Variants in ABHD12 observed in about 807,000 individuals in gnomAD.
The protein encoded by ABHD12 is lysophosphatidylserine lipase ABHD12.
ABHD12 carries 43 observed loss-of-function variants against 58.3 expected under a neutral mutation model. The ratio of observed to expected loss-of-function variants is 0.74; its 90% confidence interval spans 0.58 to 0.95. ABHD12 has a LOEUF of 0.95. Among genes scored for constraint, ABHD12 ranks in the 40% least tolerant of loss-of-function variants. The pLI, the probability that ABHD12 is intolerant of heterozygous loss-of-function variation, is 0.00. For missense variants in ABHD12, 539 were observed against 537.2 expected (o/e 1.00, Z -0.03); for synonymous variants, 219 against 211.2 (o/e 1.04, Z -0.32).
intron 4 of ABHD12, among the ~76,000 whole-genome samples, chr20:25,318,409 T>C (rs1324953171): frequency 6.6e-6 from 1 of 152,210 alleles, no homozygotes; most frequent in African/African-American, 2.4e-5. Flanking sequence ...TCACAGTGGC[T>C]CTAAGTTTCT....
chr20:25,348,713 C>CAAAGAT (rs1489052260), intron 1 of ABHD12, among the ~76,000 whole-genome samples: 1 of 152,128 alleles, frequency 6.6e-6, no homozygotes, highest in East Asian at 1.9e-4. Flanking sequence ...AGGTATTAGA[C>CAAAGAT]AAAGCTATCA....
At chr20:25,320,346 G>A in intron 3 of ABHD12, 28 bp from the exon 4 acceptor site, 1 of 1,611,498 alleles carries the variant, frequency 6.2e-7, no homozygotes, top group Non-Finnish European at 8.5e-7. Flanking sequence ...GGGGAGCGCA[G>A]GATCAGATGT....
At chr20:25,354,810 C>A (rs1339897134) in intron 1 of ABHD12, among the ~76,000 whole-genome samples, 2 of 152,106 alleles carry the variant, frequency 1.3e-5, no homozygotes, top group African/African-American at 4.8e-5. Flanking sequence ...CAGCTTTTGA[C>A]TGTCGTATTT....
downstream of ABHD12, chr20:25,296,635 C>T (rs998334056): frequency 5.8e-6 from 8 of 1,387,820 alleles, no homozygotes; most frequent in Middle Eastern, 2.6e-4. Context: ...TTCTGAGTAC[C>T]ATGTTTCCAG....
At chr20:25,314,826 C>G in intron 6 of ABHD12, 99 bp downstream of exon 6, 3 of 1,341,024 alleles carry the variant, frequency 2.2e-6, no homozygotes, top group Non-Finnish European at 3.2e-6. Flanking sequence ...AAAGCAGGCG[C>G]TGGCCTTGCT....
downstream of ABHD12, among the ~76,000 whole-genome samples, chr20:25,299,777 G>A (rs1029015520): frequency 6.6e-6 from 1 of 152,164 alleles, no homozygotes; most frequent in Non-Finnish European, 1.5e-5. Context: ...TGGGTGGGTG[G>A]AACAGAAATG....
At chr20:25,305,711 C>G (rs570805540) in intron 10 of ABHD12, among the ~76,000 whole-genome samples, 1 of 151,910 alleles carries the variant, frequency 6.6e-6, no homozygotes, top group Non-Finnish European at 1.5e-5. Flanking sequence ...AAAAATGTCA[C>G]AAAGACAATA....
At position 25,308,027 on chromosome 20, in the gene ABHD12, A is replaced by G. The variant is rs2088777304; in HGVS notation, c.806T>C (p.Leu269Pro). Residue 269 changes from leucine to proline, a missense_variant, in exon 9 of 13, where the codon CTT becomes CCT. Leu to Pro is a moderately conservative substitution (Grantham distance 98). Coordinates refer to ENST00000339157, the MANE Select transcript of ABHD12 (RefSeq NM_001042472.3). ...LCERETPPDA[L>P]ILESPFTNIR... ...ATTAGTGAATGGAGATTCCAATATA[A>G]GGGCATCTGGAGGCGTCTCTAGATA... The G allele has an allele frequency of 1.2e-6, 2 of 1,608,028 alleles. No homozygotes were observed. Among genetic ancestry groups the G allele is most frequent in the Non-Finnish European group, 1.7e-6 (2 of 1,174,390 alleles).
intron 1 of ABHD12, among the ~76,000 whole-genome samples, chr20:25,374,887 A>T (rs1467159050): frequency 6.6e-6 from 1 of 152,212 alleles, no homozygotes; most frequent in Non-Finnish European, 1.5e-5. Flanking sequence ...CATTATATAC[A>T]CATCATAGTT....
chr20:25,301,867 C>T (rs916070584), intron 12 of ABHD12, among the ~76,000 whole-genome samples: 2 of 152,242 alleles, frequency 1.3e-5, no homozygotes, highest in Non-Finnish European at 2.9e-5. Flanking sequence ...GAGCTGTGTA[C>T]GTCTTGAGAG....
At chr20:25,379,789 C>T (rs6037100) in intron 1 of ABHD12, among the ~76,000 whole-genome samples, 2 of 151,870 alleles carry the variant, frequency 1.3e-5, no homozygotes, top group African/African-American at 4.8e-5. Flanking sequence ...AGTGCAGTGG[C>T]TTGATCATGG....
At chr20:25,385,630 G>T (rs958575301) in intron 1 of ABHD12, among the ~76,000 whole-genome samples, 7 of 152,012 alleles carry the variant, frequency 4.6e-5, no homozygotes, top group Admixed American at 1.3e-4. Flanking sequence ...AGGACTGCTT[G>T]AGAGAGAAGT....
rs75097410 is a variant in ABHD12 at position 25,295,159 on chromosome 20, C to G, written c.1158-129G>C. 5.4e-3 allele frequency: 5,116 copies of G among 948,530 alleles called. 170 individuals are homozygous for G. The African/African-American group carries it at 0.07, about 13-fold the overall frequency. The allele number at this position is 948,530 out of a possible 1,614,324, so 58.8% of individuals were successfully genotyped here. On this transcript the variant is annotated intron_variant, in intron 12 of 12. Transcript: ENST00000376542. ...GCATTTTTGTTCAGCACATCAGGAACTGCAAGTCAGTATTTCCTGTGTAGG... is the reference window on the plus strand; with the variant it reads ...GCATTTTTGTTCAGCACATCAGGAAGTGCAAGTCAGTATTTCCTGTGTAGG...
intron 2 of ABHD12, among the ~76,000 whole-genome samples, chr20:25,331,665 A>G (rs1218692865): frequency 3.9e-5 from 6 of 152,188 alleles, no homozygotes; most frequent in Non-Finnish European, 8.8e-5. Flanking sequence ...ATTCTTAAAG[A>G]AAAGAATTTT....
intron 1 of ABHD12, among the ~76,000 whole-genome samples, chr20:25,364,873 T>C (rs2089798557): frequency 6.6e-6 from 1 of 152,174 alleles, no homozygotes; most frequent in Non-Finnish European, 1.5e-5. Context: ...GAGGTGACCA[T>C]ACAGATCAGG....
chr20:25,307,060 G>C, intron 9 of ABHD12, 145 bp from the exon 10 acceptor site: 1 of 685,510 alleles, frequency 1.5e-6, no homozygotes. Flanking sequence ...ACATTGCCAA[G>C]GGGCCACCAG....
At chr20:25,350,340 A>G (rs2089581605) in intron 1 of ABHD12, among the ~76,000 whole-genome samples, 1 of 152,196 alleles carries the variant, frequency 6.6e-6, no homozygotes, top group Admixed American at 6.5e-5. Flanking sequence ...TCCCCACCTA[A>G]ATCTCATCTT....
intron 2 of ABHD12, among the ~76,000 whole-genome samples, chr20:25,331,513 G>C (rs200689034): frequency 2.0e-5 from 3 of 151,926 alleles, no homozygotes; most frequent in Admixed American, 6.6e-5. Context: ...TCAGATTCAC[G>C]AAAGTTGAAA....
At chr20:25,349,583 G>C (rs187923374) in intron 1 of ABHD12, among the ~76,000 whole-genome samples, 40 of 152,280 alleles carry the variant, frequency 2.6e-4, no homozygotes, top group African/African-American at 9.6e-4. Flanking sequence ...AATGAAATTT[G>C]GATGCATGCT....
Sources: allele counts gnomAD v4.1 joint callset (sites outside exome capture counted in the v4.1 genomes callset), GRCh38; gene constraint gnomAD v4.1.1; transcripts MANE v1.5; gene names NCBI Gene and HGNC (gene_info 2026-07-23, HGNC 2026-07-21).